The following TAFA5 variants were observed in gnomAD, a reference collection of about 807,000 sequenced individuals.
TAFA5 encodes the protein TAFA chemokine like family member 5.
TAFA5 carries 6 observed loss-of-function variants against 15.3 expected under a neutral mutation model. The ratio of observed to expected loss-of-function variants is 0.39; its 90% CI spans 0.21 to 0.77. The LOEUF (loss-of-function observed/expected upper bound fraction) is 0.77. Among genes scored for constraint, TAFA5 ranks in the 30% least tolerant of loss-of-function variants. The pLI is 0.41. For synonymous variants in TAFA5, 103 were observed against 80.7 expected (o/e 1.28, Z -1.48); for missense variants, 161 against 193.1 (o/e 0.83, Z 0.98).
intron 1 of TAFA5, among the ~76,000 whole-genome samples, chr22:48,497,405 G>C (rs1012911557): frequency 5.8e-4 from 88 of 152,212 alleles, no homozygotes; most frequent in Non-Finnish European, 4.4e-4. Context: ...TAGAAAAGAC[G>C]GCATTTCCGC....
rs148697883 is a variant in TAFA5 at position 48,630,980 on chromosome 22, C to T, written c.113-15617C>T. 2.9e-3 allele frequency among the ~76,000 whole-genome samples: 441 copies of T among 152,300 alleles called. 4 individuals carry two copies. Among genetic ancestry groups the T allele is most frequent in the African/African-American group, 0.01 (418 of 41,560 alleles). On this transcript the variant is annotated intron_variant, in intron 1 of 3. Transcript: ENST00000402357. The stretch of plus-strand genomic sequence containing the variant: ...CAGGGTCACCGAGGACAGGGGAACT[C>T]GGCGTGTCCTGCAGCCAGGGGCCGG...
chr22:48,572,096 G>A (rs776860263), intron 1 of TAFA5, among the ~76,000 whole-genome samples: 7 of 151,994 alleles, frequency 4.6e-5, no homozygotes, highest in East Asian at 1.9e-4. Flanking sequence ...TCACAATTAC[G>A]GTTATGATTA....
chr22:48,507,759 T>A (rs1387265356), intron 1 of TAFA5, among the ~76,000 whole-genome samples: 1 of 151,950 alleles, frequency 6.6e-6, no homozygotes, highest in Non-Finnish European at 1.5e-5. Flanking sequence ...TAGGGGTCAG[T>A]GTGAGGGTGG....
intron 2 of TAFA5, among the ~76,000 whole-genome samples, chr22:48,701,292 A>G (rs1424961218): frequency 6.6e-6 from 1 of 152,096 alleles, no homozygotes; most frequent in Non-Finnish European, 1.5e-5. Context: ...AGCTGTGTCT[A>G]GAGCTGTAGA....
chr22:48,490,110 G>A lies in TAFA5; in HGVS notation c.112+406G>A, dbSNP rs941468267. ...GGGGTGTCTGCGGAGCGCCCTCCCC[G>A]TGCCTCAGCCCGGGACAAGGGGGGA... On this transcript the variant is annotated intron_variant, in intron 1 of 3. Transcript: ENST00000402357. This position sits in a 1 kb window ranked among gnomAD's most constrained non-coding sequence, Gnocchi z 5.8. 6.6e-6 allele frequency among the ~76,000 whole-genome samples: 1 copy of A among 152,070 alleles called. No homozygotes were observed. The highest frequency in any genetic ancestry group is 6.5e-5 in the Admixed American group (1 of 15,276).
chr22:48,637,283 G>A (rs902877855), intron 1 of TAFA5, among the ~76,000 whole-genome samples: 1 of 152,052 alleles, frequency 6.6e-6, no homozygotes, highest in African/African-American at 2.4e-5. Context: ...GGGTGCATGT[G>A]TGCCTGTGAG....
At position 48,707,840 on chromosome 22, in the gene TAFA5, C is replaced by G. The variant is rs1217376977; in HGVS notation, c.386C>G (p.Thr129Ser). The change falls in exon 3 of 4, where the codon ACC becomes AGC. Residue 129 changes from threonine (T) to serine (S), a missense_variant. Thr to Ser is a moderately conservative substitution (Grantham distance 58). Transcript: ENST00000402357. ...CAGCCCGGCGGGAGGATAAAGACCA[C>G]CACGGTATGTGGCCCTCGGCTTTCT... ...CTQPGGRIKT[T>S]TVS 1.9e-6 allele frequency: 3 copies of G among 1,613,050 alleles called. No individual in the cohort carries two copies. The highest frequency in any genetic ancestry group is 2.2e-5 in the East Asian group (1 of 44,882).
chr22:48,492,664 A>G (rs948071007), intron 1 of TAFA5, among the ~76,000 whole-genome samples: 10 of 152,100 alleles, frequency 6.6e-5, no homozygotes, highest in Non-Finnish European at 1.3e-4. Flanking sequence ...GGAGACGCAA[A>G]CAGGGGAAAG....
Position 48,489,611 on chromosome 22 carries a change from A to G in TAFA5, c.19A>G (p.Thr7Ala). The change falls in exon 1 of 4, where the codon ACC (threonine) becomes GCC (alanine). Residue 7 changes from threonine to alanine, a missense_variant. Thr to Ala is a moderately conservative substitution (Grantham distance 58). Transcript: ENST00000402357. This position sits in a 1 kb window ranked among gnomAD's most constrained non-coding sequence, Gnocchi z 5.5. MAPSPR[T>A]GSRQDATALP... ...GGCTTCAATGGCGCCATCGCCCAGG[A>G]CCGGCAGCCGGCAAGATGCGACCGC... The G allele has an allele frequency of 6.7e-7, 1 of 1,498,824 alleles. No individual in the cohort carries two copies. The highest frequency in any genetic ancestry group is 1.2e-5 in the South Asian group (1 of 80,264). 92.8% of individuals were successfully genotyped at this position (1,498,824 alleles called of 1,614,324 possible).
chr22:48,608,152 T>C (rs1289381004), intron 1 of TAFA5, among the ~76,000 whole-genome samples: 1 of 118,274 alleles, frequency 8.5e-6, no homozygotes, highest in East Asian at 2.1e-4. Context: ...TCGGGGGTCT[T>C]GGTCTCTTTT....
intron 1 of TAFA5, among the ~76,000 whole-genome samples, chr22:48,510,415 C>T (rs1921168940): frequency 6.6e-6 from 1 of 152,264 alleles, no homozygotes; most frequent in Non-Finnish European, 1.5e-5. Context: ...CAAAAGAAGA[C>T]ATCCAGATGT....
rs911614712 is a variant in TAFA5, at chr22:48,493,128, C to T, written c.112+3424C>T. Among the ~76,000 whole-genome samples, 6 of 152,158 alleles carry T rather than the reference C, an allele frequency of 3.9e-5. No individual in the cohort carries two copies. In the South Asian group the frequency reaches 6.2e-4, roughly 16 times the overall value. ...TCCCTATGACACCTAAGCACTGACT[C>T]GGTCCTTGTGTGCAGCGTTGAAATC... On this transcript the variant is annotated intron_variant, in intron 1 of 3. Transcript: ENST00000402357.
At chr22:48,737,077 A>G (rs1930050539) in intron 3 of TAFA5, among the ~76,000 whole-genome samples, 1 of 152,112 alleles carries the variant, frequency 6.6e-6, no homozygotes, top group Non-Finnish European at 1.5e-5. Context: ...CTCTGACAGC[A>G]CAGCAGCTGC....
At chr22:48,587,851 T>C (rs1924418090) in intron 1 of TAFA5, among the ~76,000 whole-genome samples, 1 of 152,274 alleles carries the variant, frequency 6.6e-6, no homozygotes, top group Non-Finnish European at 1.5e-5. Context: ...CTTGGAGGAC[T>C]CACGCAGAGG....
At chr22:48,723,002 G>A (rs1322654740) in intron 3 of TAFA5, among the ~76,000 whole-genome samples, 1 of 152,216 alleles carries the variant, frequency 6.6e-6, no homozygotes, top group African/African-American at 2.4e-5. Flanking sequence ...CGCTGGAGAA[G>A]CTCGTTCTAG....
chr22:48,641,196 G>A (rs1211954356), intron 1 of TAFA5, among the ~76,000 whole-genome samples: 2 of 152,098 alleles, frequency 1.3e-5, no homozygotes, highest in African/African-American at 2.4e-5. Flanking sequence ...ACAGTGGTCC[G>A]TGGTCTCTGG....
chr22:48,600,720 C>G (rs1924936721), intron 1 of TAFA5, among the ~76,000 whole-genome samples: 1 of 152,240 alleles, frequency 6.6e-6, no homozygotes, highest in Non-Finnish European at 1.5e-5. Flanking sequence ...AAGCCGCACG[C>G]CCTTCTGCGT....
chr22:48,730,364 C>T (rs1006114967), intron 3 of TAFA5, among the ~76,000 whole-genome samples: 2 of 150,742 alleles, frequency 1.3e-5, no homozygotes, highest in Admixed American at 6.6e-5. Context: ...CCAGCCTGGG[C>T]GACAGAGCAA....
At chr22:48,650,712 A>G (rs1927023013) in intron 2 of TAFA5, among the ~76,000 whole-genome samples, 2 of 152,104 alleles carry the variant, frequency 1.3e-5, no homozygotes, top group Admixed American at 6.5e-5. Flanking sequence ...GCGAGATCCA[A>G]CTTACGGAAC....
Sources: allele counts gnomAD v4.1 joint callset (sites outside exome capture counted in the v4.1 genomes callset), GRCh38; gene constraint gnomAD v4.1.1; non-coding constraint Gnocchi (gnomAD v3.1); transcripts MANE v1.5; gene names NCBI Gene and HGNC (gene_info 2026-07-23, HGNC 2026-07-21).